The following ZMAT4 variants were observed in gnomAD, a reference collection of about 807,000 sequenced individuals.
ZMAT4 encodes zinc finger matrin-type 4, also known as zinc finger matrin-type protein 4.
In ZMAT4, 17 loss-of-function variants were observed where a neutral mutation model predicts 28.7. The ratio of observed to expected loss-of-function variants is 0.59; its 90% CI spans 0.41 to 0.89. The LOEUF is 0.89. Among genes scored for constraint, ZMAT4 ranks in the 40% least tolerant of loss-of-function variants. The pLI is 0.00. For missense variants in ZMAT4, 240 were observed against 283.8 expected (o/e 0.85, Z 1.11); for synonymous variants, 117 against 109.2 (o/e 1.07, Z -0.44).
rs148540309 is a variant in ZMAT4 at position 40,825,575 on chromosome 8, C to G, written c.102G>C (p.Glu34Asp). The change falls in exon 2 of 7, where the codon GAG becomes GAC. Residue 34 changes from glutamate (E) to aspartate (D), a missense_variant and splice_region_variant. Physicochemically the swap from Glu to Asp is conservative, Grantham distance 45. Transcript: ENST00000297737. Reference protein sequence around the residue: ...ISESQRVAHYESRKHASKVRL... With the variant: ...ISESQRVAHYDSRKHASKVRL... ...ACAGAGTGGGAAACGCTGTCCTTAC[C>G]TCGTAGTGGGCCACACGCTGCGATT... is the stretch of plus-strand genomic sequence containing the variant. The G allele has an allele frequency of 1.9e-6, 3 of 1,551,874 alleles. No homozygotes were observed. Among genetic ancestry groups the G allele is most frequent in the Non-Finnish European group, 8.7e-7 (1 of 1,147,088 alleles).
chr8:40,683,660 G>A (rs751305521), intron 4 of ZMAT4, among the ~76,000 whole-genome samples: 2 of 152,112 alleles, frequency 1.3e-5, no homozygotes, highest in Admixed American at 6.5e-5. Flanking sequence ...CAGGTGGCAA[G>A]GTCCAATTTG....
At chr8:40,697,112 C>T (rs1809921510) in intron 4 of ZMAT4, 133 bp downstream of exon 4, 1 of 1,081,976 alleles carries the variant, frequency 9.2e-7, no homozygotes, top group Non-Finnish European at 1.3e-6. Context: ...GCCACTCATC[C>T]CTTTAGGCTT....
intron 6 of ZMAT4, among the ~76,000 whole-genome samples, chr8:40,567,700 CA>C (rs576543188): frequency 0.12 from 12,584 of 104,946 alleles, 592 homozygotes; most frequent in Non-Finnish European, 0.16. Flanking sequence ...AAGACTGTCT[CA>C]AAAAAAAAAA....
intron 6 of ZMAT4, among the ~76,000 whole-genome samples, chr8:40,572,318 G>A (rs1353957156): frequency 2.0e-5 from 3 of 152,150 alleles, no homozygotes; most frequent in South Asian, 4.2e-4. Flanking sequence ...TTGTCATGAG[G>A]ATTCATACCA....
intron 6 of ZMAT4, among the ~76,000 whole-genome samples, chr8:40,543,665 T>C (rs1803112016): frequency 6.6e-6 from 1 of 152,224 alleles, no homozygotes; most frequent in Non-Finnish European, 1.5e-5. Context: ...ACTGGCCGTA[T>C]AGGCCTTTGG....
chr8:40,585,905 T>A (rs1198123185), intron 5 of ZMAT4, among the ~76,000 whole-genome samples: 1 of 152,156 alleles, frequency 6.6e-6, no homozygotes, highest in Non-Finnish European at 1.5e-5. Context: ...CAAATAGAGG[T>A]TCAGCTTGCA....
intron 2 of ZMAT4, among the ~76,000 whole-genome samples, chr8:40,767,952 G>A (rs1813232260): frequency 6.6e-6 from 1 of 152,198 alleles, no homozygotes; most frequent in Non-Finnish European, 1.5e-5. Flanking sequence ...CAGTAATGAA[G>A]AAGGTGAAGG....
intron 3 of ZMAT4, among the ~76,000 whole-genome samples, chr8:40,761,839 C>T (rs4737172): frequency 0.98 from 149,033 of 152,314 alleles, 72,988 homozygotes; most frequent in East Asian, 1. Context: ...ACAAACATGA[C>T]TTTATCTTGA....
intron 1 of ZMAT4, among the ~76,000 whole-genome samples, chr8:40,859,230 G>A (rs1291459351): frequency 1.3e-5 from 2 of 152,228 alleles, no homozygotes; most frequent in Non-Finnish European, 2.9e-5. Context: ...AGAAGCTGCA[G>A]AGGAGCCATC....
intron 2 of ZMAT4, among the ~76,000 whole-genome samples, chr8:40,774,499 CCTA>C (rs1813508463): frequency 6.6e-6 from 1 of 151,980 alleles, no homozygotes; most frequent in South Asian, 2.1e-4. Flanking sequence ...AGTCAACAAT[CCTA>C]CTTCTTTGAA....
At chr8:40,889,392 T>G (rs1301761553) in intron 1 of ZMAT4, among the ~76,000 whole-genome samples, 3 of 152,218 alleles carry the variant, frequency 2.0e-5, no homozygotes, top group Non-Finnish European at 2.9e-5. Context: ...CTTTGCTACA[T>G]GGATAGTCAC....
intron 5 of ZMAT4, among the ~76,000 whole-genome samples, chr8:40,669,322 A>G (rs1040987429): frequency 1.3e-5 from 2 of 152,128 alleles, no homozygotes; most frequent in Admixed American, 6.5e-5. Context: ...TATGATACAG[A>G]TACTGAAATA....
intron 2 of ZMAT4, among the ~76,000 whole-genome samples, chr8:40,806,052 T>C (rs1031403768): frequency 6.6e-6 from 1 of 152,138 alleles, no homozygotes; most frequent in Non-Finnish European, 1.5e-5. Context: ...TTAATTGTTA[T>C]CACGAAAAAG....
At chr8:40,818,191 CCAG>C in intron 2 of ZMAT4, among the ~76,000 whole-genome samples, 1 of 152,282 alleles carries the variant, frequency 6.6e-6, no homozygotes, top group East Asian at 1.9e-4. Flanking sequence ...ACTTTGTGTT[CCAG>C]TGAACTATTT....
intron 4 of ZMAT4, among the ~76,000 whole-genome samples, chr8:40,680,851 CT>C (rs1341238394): frequency 6.6e-6 from 1 of 152,004 alleles, no homozygotes; most frequent in South Asian, 2.1e-4. Flanking sequence ...ATGCTTAATG[CT>C]TTCTAGGCTT....
intron 4 of ZMAT4, among the ~76,000 whole-genome samples, chr8:40,696,618 C>T (rs777423300): frequency 6.6e-6 from 1 of 152,056 alleles, no homozygotes; most frequent in South Asian, 2.1e-4. Flanking sequence ...GTCAAATCAT[C>T]GGTTATCAAT....
At chr8:40,551,532 A>G (rs1803369486) in intron 6 of ZMAT4, among the ~76,000 whole-genome samples, 1 of 152,162 alleles carries the variant, frequency 6.6e-6, no homozygotes, top group Admixed American at 6.5e-5. Flanking sequence ...TGTAGTCTGG[A>G]TGATCAAGAA....
At chr8:40,619,743 T>C (rs749918861) in intron 5 of ZMAT4, among the ~76,000 whole-genome samples, 1 of 152,170 alleles carries the variant, frequency 6.6e-6, no homozygotes, top group Non-Finnish European at 1.5e-5. Flanking sequence ...CTATGCACCA[T>C]GACATTTAAA....
intron 3 of ZMAT4, among the ~76,000 whole-genome samples, chr8:40,733,236 C>G (rs1811620476): frequency 1.3e-5 from 2 of 152,064 alleles, no homozygotes; most frequent in African/African-American, 4.8e-5. Flanking sequence ...ACAATTATCG[C>G]AGGGGGTTCA....
Sources: gnomAD v4.1 joint callset for allele counts (sites outside exome capture counted in the v4.1 genomes callset) on GRCh38, gnomAD v4.1.1 for gene constraint, MANE v1.5 for transcripts, NCBI Gene and HGNC (gene_info 2026-07-23, HGNC 2026-07-21) for gene names.